The following PCDHA8 variants were observed in gnomAD, a reference collection of about 807,000 sequenced individuals.
PCDHA8 encodes the protein protocadherin alpha-8.
A neutral mutation model predicts 61.8 loss-of-function variants in PCDHA8; 53 were observed. The observed-to-expected ratio is 0.86, with a 90% CI of 0.69 to 1.08. PCDHA8 has a LOEUF of 1.08. PCDHA8 is among the 50% of genes least tolerant of loss of function. The pLI is 0.00. For missense variants in PCDHA8, 1,293 were observed against 1,245.0 expected (o/e 1.04, Z -0.58); for synonymous variants, 618 against 556.6 (o/e 1.11, Z -1.55).
intron 1 of PCDHA8, 73 bp from the exon 2 acceptor site, chr5:140,978,876 A>G: frequency 6.2e-7 from 1 of 1,609,510 alleles, no homozygotes; most frequent in Non-Finnish European, 8.5e-7. Flanking sequence ...GGGAGTAACT[A>G]ATCAATTAGC....
chr5:140,883,946 G>A, intron 1 of PCDHA8: 5 of 1,613,392 alleles, frequency 3.1e-6, no homozygotes, highest in Middle Eastern at 1.7e-4. Context: ...GGACGAGAAC[G>A]ACAACGCTCC....
chr5:140,990,822 C>G (rs1273714328), intron 3 of PCDHA8, among the ~76,000 whole-genome samples: 1 of 152,204 alleles, frequency 6.6e-6, no homozygotes. Flanking sequence ...CTTCTCTCAG[C>G]TAAAGCCTAT....
At chr5:141,005,529 C>A (rs1387576846) in intron 3 of PCDHA8, among the ~76,000 whole-genome samples, 2 of 151,154 alleles carry the variant, frequency 1.3e-5, no homozygotes, top group Non-Finnish European at 2.9e-5. Context: ...CGGTGAAACC[C>A]CGTCTCTACT....
At chr5:140,896,470 C>T (rs1583233416) in intron 1 of PCDHA8, among the ~76,000 whole-genome samples, 2 of 151,962 alleles carry the variant, frequency 1.3e-5, no homozygotes, top group South Asian at 4.2e-4. Context: ...TCAAGCGGTT[C>T]TCCTGCCTCA....
At chr5:140,884,169 C>A in intron 1 of PCDHA8, 2 of 1,613,426 alleles carry the variant, frequency 1.2e-6, no homozygotes, top group South Asian at 1.1e-5. Flanking sequence ...ATCAGCACGA[C>A]GCGCCCTCTG....
intron 1 of PCDHA8, among the ~76,000 whole-genome samples, chr5:140,956,002 C>T (rs2095246908): frequency 6.6e-6 from 1 of 152,124 alleles, no homozygotes; most frequent in Admixed American, 6.5e-5. Context: ...GATTTTGTAT[C>T]CTGAGACTTT....
intron 3 of PCDHA8, among the ~76,000 whole-genome samples, chr5:141,002,021 C>A (rs1177146388): frequency 2.6e-5 from 4 of 152,184 alleles, no homozygotes; most frequent in Admixed American, 6.5e-5. Flanking sequence ...GCACAGCCTT[C>A]GGTGCCCTGA....
In PCDHA8 at chr5:140,966,984, G is replaced by A. The variant is rs1217682338; in HGVS notation, c.2395-11965G>A. 4.4e-6 allele frequency: 7 copies of A among 1,603,802 alleles called. No individual in the cohort carries two copies. In the Admixed American group the frequency reaches 5.0e-5, roughly 11 times the overall value. Reference sequence around the variant, plus strand: ...CTGGGGCTTGAGCTGCGGCGCTTGGGGCCGGGTTGCTTGCGCATCAACCAT... The same window carrying A: ...CTGGGGCTTGAGCTGCGGCGCTTGGAGCCGGGTTGCTTGCGCATCAACCAT... On this transcript the variant is annotated intron_variant, in intron 1 of 3. Transcript: ENST00000531613.
At position 140,859,292 on chromosome 5, in the gene PCDHA8, CT is replaced by C. The variant is rs1226140670; in HGVS notation, c.2394+15580del. 1.3e-3 allele frequency: 281 copies of C among 215,310 alleles called. 12 individuals are homozygous for C. Among genetic ancestry groups the C allele is most frequent in the African/African-American group, 6.4e-3 (274 of 42,824 alleles). 13.3% of individuals were successfully genotyped at this position (215,310 alleles called of 1,614,324 possible). A position where few individuals can be genotyped will look rare whatever the true frequency, so the allele number is the denominator to read the frequency against. ...CTTTTTACTTTTGAGACTGAAAATA[CT>C]TTAGTATGAATTAATATTAAAAGTT... On this transcript the variant is annotated intron_variant, in intron 1 of 3. Transcript: ENST00000531613.
At chr5:140,848,473 TAGA>T in intron 1 of PCDHA8, 2 of 1,556,440 alleles carry the variant, frequency 1.3e-6, no homozygotes, top group Non-Finnish European at 8.7e-7. Context: ...TTTCACTAAT[TAGA>T]AGAAGACTGA....
rs782779617 is a variant in PCDHA8 at position 140,857,239 on chromosome 5, G to C, written c.2394+13524G>C. On this transcript the variant is annotated intron_variant, in intron 1 of 3. Coordinates refer to ENST00000531613, the MANE Select transcript of PCDHA8 (RefSeq NM_018911.3). ...CGCCTCACGTTCCGTTCAAGCTGGT[G>C]TCCACCTACAAGAATTACTACTCAT... is the stretch of plus-strand genomic sequence containing the variant. The C allele has an allele frequency of 6.9e-6, 11 of 1,598,550 alleles. 2 individuals carry two copies. The highest frequency in any genetic ancestry group is 7.7e-6 in the Non-Finnish European group (9 of 1,167,946).
chr5:140,966,426 C>T, intron 1 of PCDHA8: 1 of 421,820 alleles, frequency 2.4e-6, no homozygotes. Flanking sequence ...ACTTGCTGAG[C>T]CCTCCTACCG....
chr5:140,969,148 G>A, intron 1 of PCDHA8: 2 of 1,614,102 alleles, frequency 1.2e-6, no homozygotes, highest in Non-Finnish European at 8.5e-7. Context: ...ACTGCTACAA[G>A]GCCTGTCTGA....
At chr5:140,849,149 C>T (rs1423345877) in intron 1 of PCDHA8, 1 of 1,253,130 alleles carries the variant, frequency 8.0e-7, no homozygotes, top group African/African-American at 1.8e-5. Context: ...CCGATGGAGG[C>T]AAACCCGAGC....
intron 1 of PCDHA8, among the ~76,000 whole-genome samples, chr5:140,912,269 A>T (rs1463580948): frequency 6.6e-6 from 1 of 151,984 alleles, no homozygotes; most frequent in African/African-American, 2.4e-5. Context: ...ACCCTCACAG[A>T]TATACCCAGG....
At chr5:140,851,069 A>T in intron 1 of PCDHA8, 1 of 1,353,390 alleles carries the variant, frequency 7.4e-7, no homozygotes, top group Non-Finnish European at 9.7e-7. Flanking sequence ...TCTAGTGAGA[A>T]TTATAAACTG....
At chr5:140,934,196 C>T in intron 1 of PCDHA8, among the ~76,000 whole-genome samples, 1 of 152,068 alleles carries the variant, frequency 6.6e-6, no homozygotes, top group East Asian at 1.9e-4. Context: ...CTTTTCATTT[C>T]TATTTCCTCA....
At chr5:140,941,317 C>T (rs1264351232) in intron 1 of PCDHA8, among the ~76,000 whole-genome samples, 5 of 99,210 alleles carry the variant, frequency 5.0e-5, no homozygotes, top group Admixed American at 1.1e-4. Flanking sequence ...TTTCTTCTTT[C>T]TCTTTTTTTT....
intron 1 of PCDHA8, chr5:140,968,356 C>T (rs1586289885): frequency 1.2e-6 from 2 of 1,614,062 alleles, no homozygotes; most frequent in Non-Finnish European, 1.7e-6. Context: ...CCAGTGGCAG[C>T]CTTTATGCTG....
Sources: gnomAD v4.1 joint callset for allele counts (sites outside exome capture counted in the v4.1 genomes callset) on GRCh38, gnomAD v4.1.1 for gene constraint, MANE v1.5 for transcripts, NCBI Gene and HGNC (gene_info 2026-07-23, HGNC 2026-07-21) for gene names.